Variants in SREBF2 observed in about 807,000 individuals in gnomAD.
The protein encoded by SREBF2 is sterol regulatory element-binding protein 2.
In SREBF2, 55 loss-of-function variants were observed where a neutral mutation model predicts 113.1. The observed-to-expected ratio is 0.49, with a 90% CI of 0.39 to 0.61. SREBF2 has a LOEUF of 0.61. Among genes scored for constraint, SREBF2 ranks in the 20% least tolerant of loss-of-function variants. The probability of loss-of-function intolerance (pLI) is 0.00; values close to 1 mark genes in which losing one functional copy is unlikely to be tolerated. For synonymous variants in SREBF2, 593 were observed against 605.7 expected (o/e 0.98, Z 0.31); for missense variants, 1,349 against 1,487.4 (o/e 0.91, Z 1.53).
At chr22:41,871,538 C>T (rs1745995176) in intron 4 of SREBF2, among the ~76,000 whole-genome samples, 1 of 152,088 alleles carries the variant, frequency 6.6e-6, no homozygotes, top group African/African-American at 2.4e-5. Context: ...AATGTCCATC[C>T]ACAGGAAAAT....
intron 15 of SREBF2, chr22:41,899,961 C>T: frequency 8.4e-7 from 1 of 1,193,452 alleles, no homozygotes; most frequent in Non-Finnish European, 1.1e-6. Flanking sequence ...AATACCACAT[C>T]TCTGGGGGGG....
intron 16 of SREBF2, 98 bp downstream of exon 16, chr22:41,900,596 C>G: frequency 7.7e-7 from 1 of 1,299,206 alleles, no homozygotes. Context: ...GTGGGGCCAT[C>G]CGAAAGACAG....
At chr22:41,860,923 T>C (rs1445182036) in intron 1 of SREBF2, among the ~76,000 whole-genome samples, 3 of 152,090 alleles carry the variant, frequency 2.0e-5, no homozygotes, top group Admixed American at 6.5e-5. Flanking sequence ...TTTAAAGCAA[T>C]TTTTCATCAT....
intron 17 of SREBF2, chr22:41,904,648 C>T (rs777529689): frequency 7.9e-5 from 56 of 705,774 alleles, no homozygotes; most frequent in Non-Finnish European, 1.4e-4. Context: ...GCCTCTCTCT[C>T]CTCTCATCCT....
chr22:41,896,237 T>A (rs968100070), intron 13 of SREBF2, among the ~76,000 whole-genome samples: 3 of 152,100 alleles, frequency 2.0e-5, no homozygotes, highest in Admixed American at 2.0e-4. Flanking sequence ...CAGCCCCTCA[T>A]GGAATGTGCC....
At chr22:41,866,772 A>G in intron 1 of SREBF2, 59 bp from the exon 2 acceptor site, 1 of 1,594,216 alleles carries the variant, frequency 6.3e-7, no homozygotes, top group Non-Finnish European at 8.6e-7. Flanking sequence ...TTTCTTAAGC[A>G]AGTTTGAAAG....
In SREBF2 at chr22:41,905,685, A is replaced by G. The variant is rs1238059623; in HGVS notation, c.*25A>G. On this transcript the variant is annotated 3_prime_UTR_variant, in exon 19 of 19. Transcript: ENST00000361204. ...ACCACCAGGCTCAGCCCACCCCTCC[A>G]CCTCTCTCTCGATTTCTCTCTCTCC... The G allele has an allele frequency of 6.4e-7, 1 of 1,550,446 alleles. No individual in the cohort carries two copies. Among genetic ancestry groups the G allele is most frequent in the South Asian group, 1.2e-5 (1 of 84,260 alleles).
At position 41,905,628 on chromosome 22, in the gene SREBF2, C is replaced by A; in HGVS notation, c.3394C>A (p.Leu1132Met). 1 of 1,595,610 alleles carries A rather than the reference C, an allele frequency of 6.3e-7. No individual in the cohort carries two copies. The highest frequency in any genetic ancestry group is 8.5e-7 in the Non-Finnish European group (1 of 1,172,020). ...CGACTGCCAGCAGATGATTGTTAAG[C>A]TGGGTGGTGGCACTGCCATTGCCGC... ...CNDCQQMIVK[L>M]GGGTAIAAS Residue 1132 changes from leucine to methionine, a missense_variant, in exon 19 of 19, where the codon CTG becomes ATG. Physicochemically the swap from Leu to Met is conservative, Grantham distance 15. Around this residue, in one of 2 missense-constraint regions of SREBF2, gnomAD observed 650 missense variants for 644.1 expected, o/e 1.01. Transcript: ENST00000361204.
chr22:41,894,901 C>T lies in SREBF2; in HGVS notation c.2459C>T (p.Ala820Val). 1 of 1,614,040 alleles carries T rather than the reference C, an allele frequency of 6.2e-7. No individual in the cohort carries two copies. Among genetic ancestry groups the T allele is most frequent in the Non-Finnish European group, 8.5e-7 (1 of 1,180,004 alleles). ...ATAGAGTCCTTGGTGAAACCTCAGG[C>T]CAAGAAGAAGGCTGGAGACCAGGAA... ...RAIESLVKPQAKKKAGDQEEE... is the reference protein window; with the variant it reads ...RAIESLVKPQVKKKAGDQEEE... Residue 820 changes from alanine (A) to valine (V), a missense_variant, in exon 13 of 19, where the codon GCC becomes GTC. Coordinates refer to ENST00000361204, the MANE Select transcript of SREBF2 (RefSeq NM_004599.4).
chr22:41,842,120 A>G (rs1371836242), intron 1 of SREBF2, among the ~76,000 whole-genome samples: 1 of 152,196 alleles, frequency 6.6e-6, no homozygotes, highest in Admixed American at 6.5e-5. Context: ...TACAACTTGG[A>G]AATATTTTTA....
intron 2 of SREBF2, among the ~76,000 whole-genome samples, chr22:41,867,530 G>T (rs959614737): frequency 3.3e-5 from 5 of 151,992 alleles, no homozygotes; most frequent in Admixed American, 3.3e-4. Context: ...CAAGCGGCCG[G>T]GCGCGGTGGC....
At chr22:41,867,651 G>GA (rs2077096889) in intron 2 of SREBF2, among the ~76,000 whole-genome samples, 1 of 151,972 alleles carries the variant, frequency 6.6e-6, no homozygotes, top group African/African-American at 2.4e-5. Flanking sequence ...CTAAAAAATA[G>GA]AAAAAATTAG....
At chr22:41,892,739 C>T (rs2148410978) in intron 11 of SREBF2, among the ~76,000 whole-genome samples, 1 of 151,984 alleles carries the variant, frequency 6.6e-6, no homozygotes, top group East Asian at 1.9e-4. Context: ...GGGGAAAGTA[C>T]AGCAGCCAGG....
At position 41,902,954 on chromosome 22, in the gene SREBF2, G is replaced by C; in HGVS notation, c.2908-16G>C. ...GCCAGTCACCTGTCTCCCCTCTCTC[G>C]TGGCTGACCCCACAGGTGGTCCAGC... On this transcript the variant is annotated splice_polypyrimidine_tract_variant and intron_variant, in intron 16 of 18. Coordinates refer to ENST00000361204, the MANE Select transcript of SREBF2 (RefSeq NM_004599.4). 1 of 1,606,034 alleles carries C rather than the reference G, an allele frequency of 6.2e-7. No homozygotes were observed. The highest frequency in any genetic ancestry group is 1.3e-5 in the African/African-American group (1 of 74,850).
At chr22:41,869,674 G>C (rs916084649) in intron 3 of SREBF2, among the ~76,000 whole-genome samples, 2 of 150,882 alleles carry the variant, frequency 1.3e-5, no homozygotes, top group African/African-American at 4.9e-5. Flanking sequence ...TAGTAGAGAT[G>C]GGGTTTCTCC....
chr22:41,889,071 C>T (rs909268018), intron 11 of SREBF2, among the ~76,000 whole-genome samples: 2 of 152,168 alleles, frequency 1.3e-5, no homozygotes, highest in African/African-American at 2.4e-5. Flanking sequence ...TCTCTACTCA[C>T]TATGTCTCAG....
At position 41,833,625 on chromosome 22, in the gene SREBF2, A is replaced by C. The variant is rs543465528; in HGVS notation, c.88+267A>C. 7.9e-6 allele frequency: 3 copies of C among 378,188 alleles called. No homozygotes were observed. The highest frequency in any genetic ancestry group is 7.2e-5 in the South Asian group (1 of 13,958). 23.4% of individuals were successfully genotyped at this position (378,188 alleles called of 1,614,324 possible). ...GTCGCGGGTTCCAGAGCGCGGGGCT[A>C]GGGACGTCGCGGGGGCGTCTCAGGG... is the stretch of plus-strand genomic sequence containing the variant. On this transcript the variant is annotated intron_variant, in intron 1 of 18. Transcript: ENST00000361204. The surrounding 1 kb of genome is among the most constrained non-coding windows in gnomAD (Gnocchi z 4.1).
At chr22:41,870,300 A>G (rs1013544699) in intron 3 of SREBF2, among the ~76,000 whole-genome samples, 1 of 152,050 alleles carries the variant, frequency 6.6e-6, no homozygotes, top group South Asian at 2.1e-4. Context: ...GGCCACTGGC[A>G]CCACCCTCTT....
At chr22:41,846,865 CTTGTCGCAGTTTATGGAGTTGGTTAGGT>C (rs1411897954) in intron 1 of SREBF2, among the ~76,000 whole-genome samples, 1 of 152,140 alleles carries the variant, frequency 6.6e-6, no homozygotes, top group Non-Finnish European at 1.5e-5. Context: ...TGTTCTTGCC[CTTGTCGCAGTTTATGGAGTTGGTTAGGT>C]TTCTCTTTCT....
Sources: gnomAD v4.1 joint callset for allele counts (sites outside exome capture counted in the v4.1 genomes callset) on GRCh38, gnomAD v4.1.1 for gene constraint, gnomAD v4.1.1 regional missense constraint, Gnocchi (gnomAD v3.1) non-coding constraint, MANE v1.5 for transcripts, NCBI Gene and HGNC (gene_info 2026-07-23, HGNC 2026-07-21) for gene names.